CHN2: variants seen among roughly 807,000 people sequenced by gnomAD.
CHN2 encodes chimerin 2.
A neutral mutation model predicts 56.3 loss-of-function variants in CHN2; 35 were observed. The observed-to-expected ratio is 0.62, with a 90% CI of 0.47 to 0.82. The LOEUF (loss-of-function observed/expected upper bound fraction) is 0.82, where lower values mean the gene tolerates loss of function less well. Among genes scored for constraint, CHN2 ranks in the 40% least tolerant of loss-of-function variants. The pLI, the probability that CHN2 is intolerant of heterozygous loss-of-function variation, is 0.00. For synonymous variants in CHN2, 210 were observed against 212.8 expected (o/e 0.99, Z 0.12); for missense variants, 491 against 580.5 (o/e 0.85, Z 1.58).
At chr7:29,259,474 T>C (rs1364929115) in intron 1 of CHN2, among the ~76,000 whole-genome samples, 1 of 152,108 alleles carries the variant, frequency 6.6e-6, no homozygotes, top group African/African-American at 2.4e-5. Flanking sequence ...CTCCGTTTTG[T>C]GTAAAATAGG....
At chr7:29,357,709 G>A (rs747690322) in intron 2 of CHN2, among the ~76,000 whole-genome samples, 1 of 152,138 alleles carries the variant, frequency 6.6e-6, no homozygotes, top group Admixed American at 6.5e-5. Context: ...ATTTGCATGT[G>A]GGTCTTGAAG....
At chr7:29,435,370 TCACATG>T (rs1029611992) in intron 6 of CHN2, among the ~76,000 whole-genome samples, 20 of 152,060 alleles carry the variant, frequency 1.3e-4, no homozygotes, top group African/African-American at 4.8e-4. Flanking sequence ...ACTGTGGGGG[TCACATG>T]TCACTTAATG....
Position 29,360,600 on chromosome 7 carries a change from G to A in CHN2, c.88+5937G>A, listed in dbSNP as rs533155807. ...GGGTGGAGGGTGGGGTTGAGCCAAG[G>A]AAGACACCTAAAGCACCTACAATTC... On this transcript the variant is annotated intron_variant, in intron 2 of 12. Transcript: ENST00000222792. Among the ~76,000 whole-genome samples the A allele has an allele frequency of 2.6e-5, 4 of 152,366 alleles. No homozygotes were observed. In the South Asian group the frequency reaches 6.2e-4, roughly 24 times the overall value.
At chr7:29,285,047 C>G (rs907191842) in intron 1 of CHN2, among the ~76,000 whole-genome samples, 2 of 152,198 alleles carry the variant, frequency 1.3e-5, no homozygotes, top group African/African-American at 4.8e-5. Context: ...GGGAGCTGCT[C>G]TACTTGCTGT....
chr7:29,147,404 G>T, intron 2 of CHN2: 1 of 158,788 alleles, frequency 6.3e-6, no homozygotes, highest in Non-Finnish European at 1.4e-5. Context: ...CAGCCAACCC[G>T]ACAGTCAGGG....
chr7:29,208,596 C>T (rs1050891287), intron 1 of CHN2, among the ~76,000 whole-genome samples: 1 of 152,136 alleles, frequency 6.6e-6, no homozygotes, highest in African/African-American at 2.4e-5. Flanking sequence ...TTTGCTCCTC[C>T]TGCTTTCTAA....
intron 6 of CHN2, among the ~76,000 whole-genome samples, chr7:29,424,407 AT>A (rs1384148705): frequency 6.6e-6 from 1 of 152,158 alleles, no homozygotes; most frequent in African/African-American, 2.4e-5. Context: ...TGATTTCAAT[AT>A]GAGGACCACA....
chr7:29,390,258 C>T (rs1396868808), intron 3 of CHN2, among the ~76,000 whole-genome samples: 11 of 152,046 alleles, frequency 7.2e-5, no homozygotes, highest in South Asian at 2.1e-4. Flanking sequence ...ACTAGTAATC[C>T]GTGTAACACG....
chr7:29,302,757 TC>T (rs955610922), intron 1 of CHN2, among the ~76,000 whole-genome samples: 5 of 152,118 alleles, frequency 3.3e-5, no homozygotes, highest in African/African-American at 1.2e-4. Context: ...ACAATAACTC[TC>T]TATTCTCCTC....
chr7:29,408,076 G>A (rs566129496), intron 6 of CHN2, among the ~76,000 whole-genome samples: 3 of 152,030 alleles, frequency 2.0e-5, no homozygotes, highest in Admixed American at 6.5e-5. Context: ...TGTAATCCCA[G>A]CTACTCTGGA....
chr7:29,349,280 G>A lies in CHN2; in HGVS notation c.50-5345G>A, dbSNP rs184733509. Among the ~76,000 whole-genome samples, 570 of 152,220 alleles carry A rather than the reference G, an allele frequency of 3.7e-3. 5 individuals are homozygous for A. The highest frequency in any genetic ancestry group is 0.012 in the African/African-American group (512 of 41,534). ...CTTTCATGAAGTGAAACATATTTGTGATTTTTTGTTTACAGATTAAGCATT... is the reference window on the plus strand; with the variant it reads ...CTTTCATGAAGTGAAACATATTTGTAATTTTTTGTTTACAGATTAAGCATT... On this transcript the variant is annotated intron_variant, in intron 1 of 12. Coordinates refer to ENST00000222792, the MANE Select transcript of CHN2 (RefSeq NM_004067.4).
At chr7:29,173,234 A>G (rs1012231516) in intron 2 of CHN2, among the ~76,000 whole-genome samples, 1 of 152,116 alleles carries the variant, frequency 6.6e-6, no homozygotes, top group Non-Finnish European at 1.5e-5. Context: ...TAAGGCCAGA[A>G]AGCTAAGCAG....
chr7:29,267,233 A>G, intron 1 of CHN2, among the ~76,000 whole-genome samples: 1 of 143,088 alleles, frequency 7.0e-6, no homozygotes, highest in Non-Finnish European at 1.5e-5. Context: ...CTAAGTGCAT[A>G]TTTCTTTTTT....
chr7:29,307,087 T>C (rs1390958959), intron 1 of CHN2, among the ~76,000 whole-genome samples: 1 of 152,246 alleles, frequency 6.6e-6, no homozygotes, highest in East Asian at 1.9e-4. Context: ...CAGTGTTCGC[T>C]GATTCGCCTT....
intron 6 of CHN2, among the ~76,000 whole-genome samples, chr7:29,443,285 A>T (rs1783803587): frequency 1.3e-5 from 2 of 152,194 alleles, no homozygotes; most frequent in South Asian, 2.1e-4. Context: ...ATCAGAGCAG[A>T]GGTCGTCTTG....
intron 1 of CHN2, among the ~76,000 whole-genome samples, chr7:29,324,924 C>T (rs1037130880): frequency 1.1e-3 from 169 of 152,046 alleles, no homozygotes; most frequent in Admixed American, 0.011. Context: ...TAATGCATGC[C>T]CTTTGTAACT....
At chr7:29,261,841 C>T (rs944964479) in intron 1 of CHN2, among the ~76,000 whole-genome samples, 2 of 152,170 alleles carry the variant, frequency 1.3e-5, no homozygotes, top group Non-Finnish European at 2.9e-5. Context: ...TATACACAAA[C>T]CTTTTAAAAT....
chr7:29,512,766 G>A lies in CHN2; in HGVS notation c.*31G>A, dbSNP rs1215331809. ...CAGGGAAATGAGCTGAATGGCCCCAGCACCATCCAAGTTGACACAGCTAAA... is the reference window on the plus strand; with the variant it reads ...CAGGGAAATGAGCTGAATGGCCCCAACACCATCCAAGTTGACACAGCTAAA... On this transcript the variant is annotated 3_prime_UTR_variant, in exon 13 of 13. Transcript: ENST00000222792. 1 of 1,593,318 alleles carries A rather than the reference G, an allele frequency of 6.3e-7. No homozygotes were observed. The highest frequency in any genetic ancestry group is 1.1e-5 in the South Asian group (1 of 88,084).
In CHN2 at chr7:29,302,090, A is replaced by T. The variant is rs574974457; in HGVS notation, c.50-52535A>T. On this transcript the variant is annotated intron_variant, in intron 1 of 12. Coordinates refer to ENST00000222792, the MANE Select transcript of CHN2 (RefSeq NM_004067.4). ...GAGAATTCCAAGGATAAGGACCCTC[A>T]GCCTTTTGCATTGACCCGTGGCTGT... 2.0e-5 allele frequency among the ~76,000 whole-genome samples: 3 copies of T among 152,348 alleles called. No homozygotes were observed. In the South Asian group the frequency reaches 6.2e-4, roughly 32 times the overall value.
Sources: gnomAD v4.1 joint callset for allele counts (sites outside exome capture counted in the v4.1 genomes callset) on GRCh38, gnomAD v4.1.1 for gene constraint, MANE v1.5 for transcripts, NCBI Gene and HGNC (gene_info 2026-07-23, HGNC 2026-07-21) for gene names.